Variants in FHOD3 observed in about 807,000 individuals in gnomAD.
The protein encoded by FHOD3 is FH1/FH2 domain-containing protein 3.
In FHOD3, 90 loss-of-function variants were observed where a neutral mutation model predicts 173.0. The ratio of observed to expected loss-of-function variants is 0.52; its 90% CI spans 0.44 to 0.62. The LOEUF is 0.62. FHOD3 is among the 20% of genes least tolerant of loss of function. The pLI is 0.00. For missense variants in FHOD3, 1,945 were observed against 2,034.7 expected (o/e 0.96, Z 0.85); for synonymous variants, 828 against 823.0 (o/e 1.01, Z -0.10).
Position 36,401,725 on chromosome 18 carries a change from G to A in FHOD3, c.337+28981G>A, listed in dbSNP as rs2048819478. Among the ~76,000 whole-genome samples, 3 of 152,174 alleles carry A rather than the reference G, an allele frequency of 2.0e-5. No homozygotes were observed. The South Asian group carries it at 6.2e-4, about 32-fold the overall frequency. On this transcript the variant is annotated intron_variant, in intron 3 of 28. Coordinates refer to ENST00000590592, the MANE Select transcript of FHOD3 (RefSeq NM_001281740.3). ...GGAATCAAGGAAGTAAAAGTGTTCT[G>A]AGTTATCATCTGTTGAAAACCTGTG...
intron 16 of FHOD3, among the ~76,000 whole-genome samples, chr18:36,692,567 T>C (rs1373328667): frequency 1.3e-5 from 2 of 152,044 alleles, no homozygotes; most frequent in Admixed American, 1.3e-4. Flanking sequence ...ATCTTTGTTC[T>C]TTTAAACTGA....
In FHOD3 at chr18:36,355,792, A is replaced by T. The variant is rs941413557; in HGVS notation, c.272+147A>T. On this transcript the variant is annotated intron_variant, in intron 2 of 28. Transcript: ENST00000590592. ...CACACGAGGGAGATGCAAGTGACTC[A>T]TCAGTGGTGACTGCAGACCCGTTTC... 1.5e-5 allele frequency: 10 copies of T among 678,884 alleles called. 1 individual carries two copies. The Admixed American group carries it at 2.7e-4, about 18-fold the overall frequency. 42.1% of individuals were successfully genotyped at this position (678,884 alleles called of 1,614,324 possible). A position where few individuals can be genotyped will look rare whatever the true frequency, so the allele number is the denominator to read the frequency against.
intron 3 of FHOD3, among the ~76,000 whole-genome samples, chr18:36,402,617 A>G (rs749970013): frequency 6.6e-6 from 1 of 152,018 alleles, no homozygotes; most frequent in Admixed American, 6.5e-5. Context: ...GGCCAGGACT[A>G]CAGTCCATTT....
chr18:36,740,908 C>A, intron 21 of FHOD3, 70 bp downstream of exon 21: 1 of 1,445,922 alleles, frequency 6.9e-7, no homozygotes, highest in South Asian at 1.3e-5. Context: ...TTTCATTGAT[C>A]AGTACTAAGG....
chr18:36,452,988 AC>A (rs1324170143), intron 3 of FHOD3, among the ~76,000 whole-genome samples: 1 of 152,188 alleles, frequency 6.6e-6, no homozygotes, highest in Non-Finnish European at 1.5e-5. Flanking sequence ...TACAATGTCT[AC>A]AATGTCTACT....
chr18:36,403,201 A>C (rs1318229028), intron 3 of FHOD3, among the ~76,000 whole-genome samples: 3 of 152,108 alleles, frequency 2.0e-5, no homozygotes, highest in Non-Finnish European at 2.9e-5. Context: ...TCTCTCCCCT[A>C]GGGGGCTGGC....
In FHOD3 at chr18:36,482,434, G is replaced by A. The variant is rs73421054; in HGVS notation, c.338-19498G>A. On this transcript the variant is annotated intron_variant, in intron 3 of 28. Transcript: ENST00000590592. The stretch of plus-strand genomic sequence containing the variant: ...TTATATGAGGACAAGGGGAGAAGCA[G>A]GGTGACCACTGCGTGACCCCCCCGC... Among the ~76,000 whole-genome samples the A allele has an allele frequency of 3.1e-3, 446 of 143,256 alleles. 2 individuals carry two copies. The highest frequency in any genetic ancestry group is 0.011 in the African/African-American group (431 of 39,446). 94.0% of individuals were successfully genotyped at this position (143,256 alleles called of 152,430 possible). A position where few individuals can be genotyped will look rare whatever the true frequency, so the allele number is the denominator to read the frequency against.
At chr18:36,693,491 T>A (rs1360187739) in intron 17 of FHOD3, 68 bp downstream of exon 17, 4 of 1,400,750 alleles carry the variant, frequency 2.9e-6, no homozygotes, top group Non-Finnish European at 4.0e-6. Context: ...AGGGCAGTAG[T>A]GATGATTTCA....
At chr18:36,317,553 C>T (rs571525140) in intron 1 of FHOD3, among the ~76,000 whole-genome samples, 38 of 152,278 alleles carry the variant, frequency 2.5e-4, no homozygotes, top group African/African-American at 9.1e-4. Context: ...ATATCCTTTG[C>T]CCACTTTTTG....
At chr18:36,615,151 T>C (rs1466211853) in intron 9 of FHOD3, among the ~76,000 whole-genome samples, 1 of 152,162 alleles carries the variant, frequency 6.6e-6, no homozygotes, top group Non-Finnish European at 1.5e-5. Context: ...CGCCCAGCCT[T>C]GATTTTTTTA....
chr18:36,650,441 G>A (rs535000837), intron 11 of FHOD3, among the ~76,000 whole-genome samples: 24 of 152,212 alleles, frequency 1.6e-4, no homozygotes, highest in Admixed American at 8.5e-4. Flanking sequence ...GCCCCTATTT[G>A]GAAATGACTG....
At chr18:36,391,408 C>G (rs562226035) in intron 3 of FHOD3, among the ~76,000 whole-genome samples, 8 of 152,230 alleles carry the variant, frequency 5.3e-5, no homozygotes, top group Admixed American at 4.6e-4. Flanking sequence ...GATCCCTTGG[C>G]CTGGCTGGGG....
chr18:36,765,066 G>T (rs1028374644), intron 27 of FHOD3, among the ~76,000 whole-genome samples: 1 of 152,158 alleles, frequency 6.6e-6, no homozygotes, highest in Non-Finnish European at 1.5e-5. Context: ...AAATTGAGAG[G>T]AGGCTAAAAT....
chr18:36,605,774 CAAATT>C (rs1395410279), intron 8 of FHOD3, among the ~76,000 whole-genome samples: 7 of 152,086 alleles, frequency 4.6e-5, no homozygotes, highest in African/African-American at 1.7e-4. Context: ...AACAAAATAA[CAAATT>C]AAAATGTTAA....
At chr18:36,439,327 C>T (rs983302009) in intron 3 of FHOD3, among the ~76,000 whole-genome samples, 75 of 152,304 alleles carry the variant, frequency 4.9e-4, no homozygotes, top group Admixed American at 1.2e-3. Flanking sequence ...ACCTGGCTTT[C>T]GCTTGCAGAG....
chr18:36,751,395 T>A (rs4799888), intron 24 of FHOD3, among the ~76,000 whole-genome samples: 40,235 of 152,106 alleles, frequency 0.26, 5,605 homozygotes, highest in South Asian at 0.36. Context: ...TGGAGTTTTC[T>A]GGATATAGAA....
At chr18:36,753,825 A>G (rs1470578329) in intron 24 of FHOD3, among the ~76,000 whole-genome samples, 1 of 152,042 alleles carries the variant, frequency 6.6e-6, no homozygotes, top group African/African-American at 2.4e-5. Flanking sequence ...TTTTTCATGT[A>G]TCTCTTGGCC....
At chr18:36,313,088 G>A (rs928555055) in intron 1 of FHOD3, among the ~76,000 whole-genome samples, 1 of 152,100 alleles carries the variant, frequency 6.6e-6, no homozygotes, top group Non-Finnish European at 1.5e-5. Flanking sequence ...GTGTCCTCAG[G>A]GTAGGTGGAC....
chr18:36,501,862 T>C, intron 3 of FHOD3, 70 bp from the exon 4 acceptor site: 1 of 1,099,532 alleles, frequency 9.1e-7, no homozygotes, highest in African/African-American at 1.6e-5. Context: ...TTATCATTCA[T>C]ATCCTGTCTG....
Sources: allele counts gnomAD v4.1 joint callset (sites outside exome capture counted in the v4.1 genomes callset), GRCh38; gene constraint gnomAD v4.1.1; transcripts MANE v1.5; gene names NCBI Gene and HGNC (gene_info 2026-07-23, HGNC 2026-07-21).